KIRREL3: variants seen among roughly 807,000 people sequenced by gnomAD.
KIRREL3 encodes the protein kirre like nephrin family adhesion molecule 3, also known as kin of IRRE-like protein 3.
Under a neutral mutation model 89.7 loss-of-function variants are expected in KIRREL3, and 36 were observed. The ratio of observed to expected loss-of-function variants is 0.40; its 90% confidence interval spans 0.31 to 0.53. The LOEUF (loss-of-function observed/expected upper bound fraction) is 0.53. KIRREL3 is among the 20% of genes least tolerant of loss of function. The pLI is 0.49. For synonymous variants in KIRREL3, 445 were observed against 441.4 expected, an observed-to-expected ratio of 1.01 and a Z score of -0.10; for missense variants, 864 against 1,056.6, an observed-to-expected ratio of 0.82 and a Z score of 2.53.
At position 126,498,340 on chromosome 11, in the gene KIRREL3, A is replaced by G. The variant is rs2134358284; in HGVS notation, c.433+22975T>C. ...TCATTAATTTTAATCTAATTTGCTC[A>G]TAACATTCCTCAGTAAACAGCAGCC... On this transcript the variant is annotated intron_variant, in intron 4 of 16. Transcript: ENST00000525144. The surrounding 1 kb of genome is among the most constrained non-coding windows in gnomAD (Gnocchi z 4.3). Among the ~76,000 whole-genome samples the G allele has an allele frequency of 6.6e-6, 1 of 152,292 alleles. No homozygotes were observed. Among genetic ancestry groups the G allele is most frequent in the South Asian group, 2.1e-4 (1 of 4,828 alleles).
rs1239263743 is a variant in KIRREL3, at chr11:126,441,809, G to A, written c.1253-1260C>T. On this transcript the variant is annotated intron_variant, in intron 10 of 16. Transcript: ENST00000525144. The surrounding 1 kb of genome is among the most constrained non-coding windows in gnomAD (Gnocchi z 5.0). ...GGCAAAAGGGCTCGGGGCAGCGTGA[G>A]GTGGGCGTGGGGGACCCTCCATGGC... Among the ~76,000 whole-genome samples, 1 of 152,212 alleles carries A rather than the reference G, an allele frequency of 6.6e-6. No homozygotes were observed. Among genetic ancestry groups the A allele is most frequent in the Non-Finnish European group, 1.5e-5 (1 of 68,040 alleles).
Position 126,450,338 on chromosome 11 carries a change from G to T in KIRREL3, c.849-1181C>A, listed in dbSNP as rs561107841. On this transcript the variant is annotated intron_variant, in intron 7 of 16. Transcript: ENST00000525144. ...GTGCACGTGTGCATGTGTGAGCGTG[G>T]GCATGTGTGTCCATGTGCATGTGTG... Among the ~76,000 whole-genome samples the T allele has an allele frequency of 1.1e-4, 15 of 136,748 alleles. 1 individual carries two copies. The highest frequency in any genetic ancestry group is 6.5e-4 in the Admixed American group (9 of 13,758). The allele number at this position is 136,748 out of a possible 152,430, so 89.7% of individuals were successfully genotyped here. A position where few individuals can be genotyped will look rare whatever the true frequency, so the allele number is the denominator to read the frequency against.
chr11:126,478,505 TTGTG>T (rs972870687), intron 4 of KIRREL3, among the ~76,000 whole-genome samples: 7 of 151,808 alleles, frequency 4.6e-5, no homozygotes, highest in South Asian at 2.1e-4. Flanking sequence ...GTTTTAAATC[TTGTG>T]TGTGTGTATG....
rs1032529024 is a variant in KIRREL3 at position 126,989,505 on chromosome 11, A to T, written c.55+10950T>A. 6.6e-6 allele frequency among the ~76,000 whole-genome samples: 1 copy of T among 152,190 alleles called. No individual in the cohort carries two copies. The highest frequency in any genetic ancestry group is 6.5e-5 in the Admixed American group (1 of 15,286). On this transcript the variant is annotated intron_variant, in intron 1 of 16. Coordinates refer to ENST00000525144, the MANE Select transcript of KIRREL3 (RefSeq NM_032531.4). The surrounding 1 kb of genome is among the most constrained non-coding windows in gnomAD (Gnocchi z 6.2). ...AAAGGTAACATAAACCGCCAGCTCTACCAACCACTCAGGCTGCAGACCAGA... is the reference window on the plus strand; with the variant it reads ...AAAGGTAACATAAACCGCCAGCTCTTCCAACCACTCAGGCTGCAGACCAGA...
rs1949956539 is a variant in KIRREL3, at chr11:126,769,597, G to GT, written c.56-206686dup. Among the ~76,000 whole-genome samples the GT allele has an allele frequency of 6.6e-6, 1 of 152,206 alleles. No individual in the cohort carries two copies. Among genetic ancestry groups the GT allele is most frequent in the Non-Finnish European group, 1.5e-5 (1 of 68,044 alleles). On this transcript the variant is annotated intron_variant, in intron 1 of 16. Coordinates refer to ENST00000525144, the MANE Select transcript of KIRREL3 (RefSeq NM_032531.4). This position sits in a 1 kb window ranked among gnomAD's most constrained non-coding sequence, Gnocchi z 4.3. ...ATGCATGGACAGAGTTCTCAATCCTGTCTTTCAAGCCTTCTTTCCTTCATT... is the reference window on the plus strand; with the variant it reads ...ATGCATGGACAGAGTTCTCAATCCTGTTCTTTCAAGCCTTCTTTCCTTCATT...
chr11:126,487,240 G>A (rs1957389749), intron 4 of KIRREL3, among the ~76,000 whole-genome samples: 1 of 152,148 alleles, frequency 6.6e-6, no homozygotes, highest in South Asian at 2.1e-4. Context: ...GGCAGGAGGA[G>A]GGAATAGAGA....
At chr11:126,861,408 G>A (rs1458952009) in intron 1 of KIRREL3, among the ~76,000 whole-genome samples, 1 of 151,902 alleles carries the variant, frequency 6.6e-6, no homozygotes, top group African/African-American at 2.4e-5. Context: ...GAAGTGATAC[G>A]GGGCAGAGAA....
intron 1 of KIRREL3, among the ~76,000 whole-genome samples, chr11:126,718,815 G>A (rs1486323788): frequency 5.9e-5 from 9 of 152,110 alleles, no homozygotes; most frequent in Non-Finnish European, 1.0e-4. Flanking sequence ...ACACCACCCC[G>A]GCCAGGAGCC....
chr11:126,660,037 G>T (rs1945322623), intron 1 of KIRREL3, among the ~76,000 whole-genome samples: 1 of 152,194 alleles, frequency 6.6e-6, no homozygotes, highest in African/African-American at 2.4e-5. Context: ...ACTAAGCAGG[G>T]ACAATTGCGC....
At chr11:126,524,281 G>A (rs1469418040) in intron 3 of KIRREL3, among the ~76,000 whole-genome samples, 1 of 152,252 alleles carries the variant, frequency 6.6e-6, no homozygotes, top group Non-Finnish European at 1.5e-5. Flanking sequence ...CTGGCACATT[G>A]TAAGTAGTCT....
intron 1 of KIRREL3, among the ~76,000 whole-genome samples, chr11:126,923,119 T>TCTC (rs1266743467): frequency 1.7e-5 from 1 of 57,600 alleles, no homozygotes; most frequent in African/African-American, 1.2e-4. Context: ...TCCTTCTCCT[T>TCTC]CTCCTTCTTC....
rs973007282 is a variant in KIRREL3, at chr11:126,668,182, C to A, written c.56-105270G>T. 3.3e-5 allele frequency among the ~76,000 whole-genome samples: 5 copies of A among 152,162 alleles called. No individual in the cohort carries two copies. The highest frequency in any genetic ancestry group is 5.9e-5 in the Non-Finnish European group (4 of 68,022). ...TGAAAGATCAAGATCAAGGTGATGG[C>A]AGATTTGGTGACTGGTGAGGGCTGG... On this transcript the variant is annotated intron_variant, in intron 1 of 16. Coordinates refer to ENST00000525144, the MANE Select transcript of KIRREL3 (RefSeq NM_032531.4). The surrounding 1 kb of genome is among the most constrained non-coding windows in gnomAD (Gnocchi z 4.4).
rs573593855 is a variant in KIRREL3, at chr11:126,587,364, G to A, written c.56-24452C>T. Among the ~76,000 whole-genome samples, 26 of 152,300 alleles carry A rather than the reference G, an allele frequency of 1.7e-4. No individual in the cohort carries two copies. The highest frequency in any genetic ancestry group is 3.3e-4 in the Admixed American group (5 of 15,302). ...GTCTGGCCTGGAGCAGAGCTGCAGG[G>A]GAAGCTGTGAGGCATGAGGCAGAGA... On this transcript the variant is annotated intron_variant, in intron 1 of 16. Coordinates refer to ENST00000525144, the MANE Select transcript of KIRREL3 (RefSeq NM_032531.4). This position sits in a 1 kb window ranked among gnomAD's most constrained non-coding sequence, Gnocchi z 5.2.
At chr11:126,737,642 C>T (rs1348190387) in intron 1 of KIRREL3, among the ~76,000 whole-genome samples, 3 of 152,200 alleles carry the variant, frequency 2.0e-5, no homozygotes, top group Non-Finnish European at 2.9e-5. Context: ...CTGCCTCTTC[C>T]CCAGCTCGGA....
rs1247085286 is a variant in KIRREL3 at position 126,908,480 on chromosome 11, A to G, written c.55+91975T>C. On this transcript the variant is annotated intron_variant, in intron 1 of 16. Transcript: ENST00000525144. This position sits in a 1 kb window ranked among gnomAD's most constrained non-coding sequence, Gnocchi z 4.2. ...TTTTCTCATATGCAATGTGGGGACA[A>G]TAATAGTGACTTCTTCACAGGGTTG... 1.3e-5 allele frequency among the ~76,000 whole-genome samples: 2 copies of G among 152,232 alleles called. No homozygotes were observed. The highest frequency in any genetic ancestry group is 4.8e-5 in the African/African-American group (2 of 41,448).
rs1954986915 is a variant in KIRREL3 at position 126,427,443 on chromosome 11, G to A, written c.1807-1719C>T. On this transcript the variant is annotated intron_variant, in intron 15 of 16. Coordinates refer to ENST00000525144, the MANE Select transcript of KIRREL3 (RefSeq NM_032531.4). The surrounding 1 kb of genome is among the most constrained non-coding windows in gnomAD (Gnocchi z 5.3). ...AGGTGCACAGCTCCGCCAGGGGTGG[G>A]GAGGACAAGCCCGGAACATCTTGGA... Among the ~76,000 whole-genome samples, 1 of 152,208 alleles carries A rather than the reference G, an allele frequency of 6.6e-6. No homozygotes were observed. The highest frequency in any genetic ancestry group is 1.5e-5 in the Non-Finnish European group (1 of 68,030).
chr11:126,702,261 T>C (rs999757014), intron 1 of KIRREL3, among the ~76,000 whole-genome samples: 1 of 152,166 alleles, frequency 6.6e-6, no homozygotes, highest in Non-Finnish European at 1.5e-5. Context: ...ATGTACCCTA[T>C]TGATGGTAGC....
chr11:126,708,142 C>G lies in KIRREL3; in HGVS notation c.56-145230G>C, dbSNP rs535776512. Among the ~76,000 whole-genome samples the G allele has an allele frequency of 6.6e-6, 1 of 152,268 alleles. No homozygotes were observed. The highest frequency in any genetic ancestry group is 2.1e-4 in the South Asian group (1 of 4,824). ...ATCTTCCTCTTCCACTGACTTTTCC[C>G]GTGTGAAAGGACTCCCTGGTCAGGC... On this transcript the variant is annotated intron_variant, in intron 1 of 16. Transcript: ENST00000525144. This position sits in a 1 kb window ranked among gnomAD's most constrained non-coding sequence, Gnocchi z 5.7.
chr11:126,434,646 C>A (rs1955250883), intron 13 of KIRREL3, among the ~76,000 whole-genome samples: 1 of 152,226 alleles, frequency 6.6e-6, no homozygotes, highest in Non-Finnish European at 1.5e-5. Flanking sequence ...TTCTGGTTTT[C>A]TGCTCGGGGT....
Sources: gnomAD v4.1 joint callset for allele counts (sites outside exome capture counted in the v4.1 genomes callset) on GRCh38, gnomAD v4.1.1 for gene constraint, Gnocchi (gnomAD v3.1) non-coding constraint, MANE v1.5 for transcripts, NCBI Gene and HGNC (gene_info 2026-07-23, HGNC 2026-07-21) for gene names.